ZBTB20: variants seen among roughly 807,000 people sequenced by gnomAD.
The protein encoded by ZBTB20 is zinc finger and BTB domain containing 20, also known as zinc finger and BTB domain-containing protein 20.
ZBTB20 carries 9 observed loss-of-function variants against 56.9 expected under a neutral mutation model. The observed-to-expected ratio is 0.16, with a 90% CI of 0.10 to 0.28. The LOEUF is 0.28. ZBTB20 is among the 10% of genes least tolerant of loss of function. The probability of loss-of-function intolerance (pLI) is 1.00; values close to 1 mark genes in which losing one functional copy is unlikely to be tolerated. For missense variants in ZBTB20, 655 were observed against 1,003.0 expected (o/e 0.65, Z 4.69); for synonymous variants, 417 against 420.7 (o/e 0.99, Z 0.11).
chr3:114,735,151 T>C (rs2108562690), intron 5 of ZBTB20, among the ~76,000 whole-genome samples: 1 of 152,224 alleles, frequency 6.6e-6, no homozygotes, highest in East Asian at 1.9e-4. Context: ...TTCCTTTGTA[T>C]ATTTGCCATT....
rs575685822 is a variant in ZBTB20, at chr3:114,316,221, G to A, written c.*22784C>T. 4.0e-4 allele frequency: 123 copies of A among 310,098 alleles called. No individual in the cohort carries two copies. Among genetic ancestry groups the A allele is most frequent in the African/African-American group, 2.5e-3 (110 of 43,186 alleles). 19.2% of individuals were successfully genotyped at this position (310,098 alleles called of 1,614,324 possible). A position where few individuals can be genotyped will look rare whatever the true frequency, so the allele number is the denominator to read the frequency against. On this transcript the variant is annotated 3_prime_UTR_variant, in exon 12 of 12. Coordinates refer to ENST00000675478, the MANE Select transcript of ZBTB20 (RefSeq NM_001348800.3). ...TATAGAACATTACTGCATTCGCATC[G>A]GATCAAGATGGTTTCGCCCATTTTT... is the stretch of plus-strand genomic sequence containing the variant.
At position 114,314,843 on chromosome 3, in the gene ZBTB20, TG is replaced by T. The variant is rs538890400; in HGVS notation, c.*24161del. 43 of 152,104 alleles carry T rather than the reference TG, an allele frequency of 2.8e-4. No individual in the cohort carries two copies. Among genetic ancestry groups the T allele is most frequent in the African/African-American group, 4.8e-4 (20 of 41,526 alleles). The allele number at this position is 152,104 out of a possible 1,614,324, so 9.4% of individuals were successfully genotyped here. A position where few individuals can be genotyped will look rare whatever the true frequency, so the allele number is the denominator to read the frequency against. The stretch of plus-strand genomic sequence containing the variant: ...TACAGTTAATTTTTCTTTTTTTGAA[TG>T]TTTTTTTTCCTGTTTAAATAACAAA... On this transcript the variant is annotated 3_prime_UTR_variant, in exon 12 of 12. Coordinates refer to ENST00000675478, the MANE Select transcript of ZBTB20 (RefSeq NM_001348800.3).
At chr3:115,143,313 T>C (rs1285553539) in intron 1 of ZBTB20, among the ~76,000 whole-genome samples, 1 of 152,220 alleles carries the variant, frequency 6.6e-6, no homozygotes, top group East Asian at 1.9e-4. Flanking sequence ...TTTGCAGGTC[T>C]CTCCTCTTTA....
chr3:114,341,641 T>A (rs1362427751), intron 11 of ZBTB20, among the ~76,000 whole-genome samples: 1 of 152,254 alleles, frequency 6.6e-6, no homozygotes, highest in African/African-American at 2.4e-5. Context: ...TCCTCATAGT[T>A]GTCATGTTTC....
chr3:114,652,988 T>C (rs2060211689), intron 6 of ZBTB20, among the ~76,000 whole-genome samples: 1 of 151,986 alleles, frequency 6.6e-6, no homozygotes, highest in South Asian at 2.1e-4. Context: ...TGTATATTGA[T>C]CTTGTGACCT....
chr3:114,480,358 T>G (rs1053818886), intron 7 of ZBTB20, among the ~76,000 whole-genome samples: 2 of 152,242 alleles, frequency 1.3e-5, no homozygotes, highest in Non-Finnish European at 2.9e-5. Flanking sequence ...ATGTAAACCT[T>G]TTCATGTACA....
chr3:114,486,197 C>T (rs1351176691), intron 7 of ZBTB20, among the ~76,000 whole-genome samples: 1 of 108,034 alleles, frequency 9.3e-6, no homozygotes, highest in African/African-American at 3.5e-5. Context: ...AAACTGTTTT[C>T]TAGAATGTTA....
chr3:114,769,926 G>T (rs1217977573), intron 5 of ZBTB20, among the ~76,000 whole-genome samples: 4 of 151,606 alleles, frequency 2.6e-5, no homozygotes, highest in Non-Finnish European at 5.9e-5. Flanking sequence ...GGGCATGGTG[G>T]TGTGCACCCG....
intron 4 of ZBTB20, among the ~76,000 whole-genome samples, chr3:114,842,237 C>A (rs1272983328): frequency 6.6e-6 from 1 of 152,058 alleles, no homozygotes; most frequent in Admixed American, 6.6e-5. Flanking sequence ...TTGTTGTTAG[C>A]CTGGACTGTT....
intron 4 of ZBTB20, among the ~76,000 whole-genome samples, chr3:114,852,198 T>C (rs1483605985): frequency 6.6e-6 from 1 of 152,048 alleles, no homozygotes; most frequent in Non-Finnish European, 1.5e-5. Context: ...TTTCTCCTTA[T>C]TTGTCTTATC....
intron 3 of ZBTB20, among the ~76,000 whole-genome samples, chr3:114,905,929 T>G (rs1184890400): frequency 6.6e-6 from 1 of 151,848 alleles, no homozygotes; most frequent in Non-Finnish European, 1.5e-5. Context: ...TATGTGGTTC[T>G]TATACTTTCT....
intron 5 of ZBTB20, among the ~76,000 whole-genome samples, chr3:114,697,258 A>G (rs2063100109): frequency 6.6e-6 from 1 of 152,004 alleles, no homozygotes; most frequent in Non-Finnish European, 1.5e-5. Context: ...TACTCTTTCT[A>G]TTTTAAAATT....
chr3:114,451,802 C>A (rs2091630356), intron 7 of ZBTB20, among the ~76,000 whole-genome samples: 2 of 152,150 alleles, frequency 1.3e-5, no homozygotes, highest in African/African-American at 4.8e-5. Flanking sequence ...TATTCCAGCT[C>A]AAAGAGCTTT....
chr3:114,631,159 T>C (rs1692253173), intron 6 of ZBTB20, among the ~76,000 whole-genome samples: 2 of 152,058 alleles, frequency 1.3e-5, no homozygotes, highest in African/African-American at 4.8e-5. Context: ...TACTAAGCTA[T>C]TGACCTAAAT....
rs1278885935 is a variant in ZBTB20 at position 114,314,623 on chromosome 3, A to G, written c.*24382T>C. The stretch of plus-strand genomic sequence containing the variant: ...GCTGGTAACATTTAAAAAAAAAACA[A>G]CAAAAACCCCAAAAAAACAAACATC... On this transcript the variant is annotated 3_prime_UTR_variant, in exon 12 of 12. Transcript: ENST00000675478. The G allele has an allele frequency of 6.6e-6, 1 of 151,830 alleles. No individual in the cohort carries two copies. The highest frequency in any genetic ancestry group is 6.6e-5 in the Admixed American group (1 of 15,244). 9.4% of individuals were successfully genotyped at this position (151,830 alleles called of 1,614,324 possible). A position where few individuals can be genotyped will look rare whatever the true frequency, so the allele number is the denominator to read the frequency against.
At chr3:114,730,541 G>C (rs1182778264) in intron 5 of ZBTB20, among the ~76,000 whole-genome samples, 1 of 152,170 alleles carries the variant, frequency 6.6e-6, no homozygotes, top group African/African-American at 2.4e-5. Flanking sequence ...CATAAGGTTG[G>C]CACTCTAATC....
At chr3:114,598,743 A>C (rs561104238) in intron 6 of ZBTB20, among the ~76,000 whole-genome samples, 33 of 152,058 alleles carry the variant, frequency 2.2e-4, no homozygotes, top group Non-Finnish European at 4.0e-4. Context: ...TTAATATATC[A>C]TATTTCAAAA....
chr3:114,951,759 CAAG>C (rs2077073871), intron 3 of ZBTB20, among the ~76,000 whole-genome samples: 1 of 151,886 alleles, frequency 6.6e-6, no homozygotes, highest in South Asian at 2.1e-4. Flanking sequence ...TCACCAGGCA[CAAG>C]AAGAACTAGG....
intron 4 of ZBTB20, among the ~76,000 whole-genome samples, chr3:114,881,836 T>G (rs1303001129): frequency 6.6e-6 from 1 of 151,886 alleles, no homozygotes; most frequent in East Asian, 1.9e-4. Flanking sequence ...TTAAACTTTA[T>G]TTTCATTCTC....
Sources: gnomAD v4.1 joint callset for allele counts (sites outside exome capture counted in the v4.1 genomes callset) on GRCh38, gnomAD v4.1.1 for gene constraint, MANE v1.5 for transcripts, NCBI Gene and HGNC (gene_info 2026-07-23, HGNC 2026-07-21) for gene names.